CELF4: variants seen among roughly 807,000 people sequenced by gnomAD.
CELF4 encodes the protein CUGBP Elav-like family member 4.
CELF4 carries 18 observed loss-of-function variants against 59.9 expected under a neutral mutation model. That is an observed-to-expected ratio of 0.30 (90% CI 0.21 to 0.45). CELF4 has a LOEUF of 0.45. CELF4 is among the 20% of genes least tolerant of loss of function. CELF4 has a pLI of 1.00. For synonymous variants in CELF4, 261 were observed against 267.1 expected, an observed-to-expected ratio of 0.98 and a Z score of 0.22; for missense variants, 456 against 689.0, an observed-to-expected ratio of 0.66 and a Z score of 3.79.
chr18:37,323,064 C>T (rs2097179880), intron 2 of CELF4, among the ~76,000 whole-genome samples: 1 of 152,196 alleles, frequency 6.6e-6, no homozygotes, highest in African/African-American at 2.4e-5. Flanking sequence ...CTTCCTCCTA[C>T]CTTCTGCTCT....
intron 10 of CELF4, among the ~76,000 whole-genome samples, chr18:37,262,622 C>T (rs2075423450): frequency 6.6e-6 from 1 of 152,128 alleles, no homozygotes; most frequent in African/African-American, 2.4e-5. Context: ...TTAGAGACCC[C>T]TGAGCCAATA....
intron 2 of CELF4, among the ~76,000 whole-genome samples, chr18:37,378,253 C>A (rs1278799935): frequency 6.6e-6 from 1 of 152,174 alleles, no homozygotes; most frequent in Admixed American, 6.5e-5. Flanking sequence ...AAGGTGCTTT[C>A]TCTGCCACCC....
intron 2 of CELF4, among the ~76,000 whole-genome samples, chr18:37,377,089 G>A (rs927054938): frequency 6.6e-6 from 1 of 152,068 alleles, no homozygotes; most frequent in African/African-American, 2.4e-5. Context: ...GAAAAGGCAA[G>A]ACAAAAGTGG....
intron 2 of CELF4, among the ~76,000 whole-genome samples, chr18:37,465,802 CA>C (rs1179351164): frequency 6.6e-6 from 1 of 152,178 alleles, no homozygotes; most frequent in African/African-American, 2.4e-5. Flanking sequence ...AGGAGGAAGA[CA>C]TGAACACCTC....
chr18:37,482,231 T>C (rs1226473492), intron 2 of CELF4, among the ~76,000 whole-genome samples: 2 of 152,104 alleles, frequency 1.3e-5, no homozygotes, highest in African/African-American at 2.4e-5. Flanking sequence ...TGTTGATGGA[T>C]TGAGAAACTG....
At chr18:37,401,351 G>A (rs923682947) in intron 2 of CELF4, among the ~76,000 whole-genome samples, 7 of 152,344 alleles carry the variant, frequency 4.6e-5, no homozygotes, top group African/African-American at 1.4e-4. Flanking sequence ...CACCTACTGT[G>A]TGGAGGCCCT....
At chr18:37,539,618 C>T (rs1391963606) in intron 1 of CELF4, among the ~76,000 whole-genome samples, 2 of 150,948 alleles carry the variant, frequency 1.3e-5, no homozygotes, top group African/African-American at 4.8e-5. Flanking sequence ...CTCATGCACT[C>T]TTGTTAGTCA....
At chr18:37,343,591 TTGCGTGTGTATATGTGGGGG>T (rs1169736470) in intron 2 of CELF4, among the ~76,000 whole-genome samples, 4 of 151,458 alleles carry the variant, frequency 2.6e-5, no homozygotes, top group Middle Eastern at 3.2e-3. Flanking sequence ...ATATGTGGGG[TTGCGTGTGTATATGTGGGGG>T]TGCGTGTGTA....
chr18:37,358,689 T>C (rs775687773), intron 2 of CELF4, among the ~76,000 whole-genome samples: 22 of 152,206 alleles, frequency 1.4e-4, no homozygotes, highest in Non-Finnish European at 2.5e-4. Context: ...TGCAGGCGCA[T>C]GCATGAAAGC....
At chr18:37,528,310 C>T (rs529148623) in intron 1 of CELF4, among the ~76,000 whole-genome samples, 60 of 152,276 alleles carry the variant, frequency 3.9e-4, no homozygotes, top group Non-Finnish European at 6.6e-4. Flanking sequence ...AAGTAATTTT[C>T]CTTACAAGAG....
intron 2 of CELF4, among the ~76,000 whole-genome samples, chr18:37,484,646 C>T (rs953782311): frequency 2.0e-4 from 30 of 152,226 alleles, no homozygotes; most frequent in Admixed American, 3.9e-4. Context: ...CATTTTCTCT[C>T]CGTCTACCTG....
intron 10 of CELF4, among the ~76,000 whole-genome samples, chr18:37,260,593 C>T (rs966048201): frequency 1.3e-5 from 2 of 152,308 alleles, no homozygotes; most frequent in East Asian, 1.9e-4. Context: ...CAGAGCCAAC[C>T]GTCCTTGTTC....
intron 3 of CELF4, among the ~76,000 whole-genome samples, chr18:37,314,932 C>T (rs1234275046): frequency 6.6e-6 from 1 of 152,190 alleles, no homozygotes; most frequent in Non-Finnish European, 1.5e-5. Flanking sequence ...CAGCCCGGGC[C>T]TCACTTGCCA....
intron 2 of CELF4, among the ~76,000 whole-genome samples, chr18:37,322,815 T>C (rs940322192): frequency 1.3e-5 from 2 of 152,174 alleles, no homozygotes; most frequent in Middle Eastern, 3.2e-3. Context: ...CCTTCTTGCA[T>C]CTGCATTTCT....
intron 3 of CELF4, among the ~76,000 whole-genome samples, chr18:37,303,100 T>C (rs1025555356): frequency 7.2e-5 from 11 of 152,238 alleles, no homozygotes; most frequent in Admixed American, 7.2e-4. Context: ...GGCATGAAAG[T>C]ACCATTGTTC....
intron 1 of CELF4, among the ~76,000 whole-genome samples, chr18:37,546,531 G>C (rs1179442807): frequency 6.6e-6 from 1 of 152,168 alleles, no homozygotes; most frequent in African/African-American, 2.4e-5. Context: ...ACCCTGAGCT[G>C]GGAGGGAAAG....
chr18:37,529,917 C>T (rs905539346), intron 1 of CELF4, among the ~76,000 whole-genome samples: 1 of 152,156 alleles, frequency 6.6e-6, no homozygotes, highest in African/African-American at 2.4e-5. Flanking sequence ...CAAGTTTGGT[C>T]CTGAGGGGCT....
chr18:37,490,134 A>C (rs867777109), intron 1 of CELF4, among the ~76,000 whole-genome samples: 20 of 152,246 alleles, frequency 1.3e-4, no homozygotes, highest in Non-Finnish European at 2.4e-4. Context: ...TCAGATGGGA[A>C]AAGCAAGTTG....
intron 2 of CELF4, among the ~76,000 whole-genome samples, chr18:37,436,524 C>G (rs961663465): frequency 6.6e-6 from 1 of 152,188 alleles, no homozygotes; most frequent in Non-Finnish European, 1.5e-5. Context: ...GGATCAAGAG[C>G]CAGGGCTGAC....
Sources: allele counts gnomAD v4.1 joint callset (sites outside exome capture counted in the v4.1 genomes callset), GRCh38; gene constraint gnomAD v4.1.1; transcripts MANE v1.5; gene names NCBI Gene and HGNC (gene_info 2026-07-23, HGNC 2026-07-21).